The following MCC variants were observed in gnomAD, a reference collection of about 807,000 sequenced individuals.
MCC encodes MCC regulator of Wnt signaling pathway, also known as colorectal mutant cancer protein.
MCC carries 90 observed loss-of-function variants against 116.2 expected under a neutral mutation model. The ratio of observed to expected loss-of-function variants is 0.77; its 90% confidence interval spans 0.65 to 0.92. The LOEUF (loss-of-function observed/expected upper bound fraction) is 0.92, where lower values mean the gene tolerates loss of function less well. Ranked by LOEUF, MCC falls within the 40% of genes least tolerant of loss-of-function variation. MCC has a pLI of 0.00. For synonymous variants in MCC, 578 were observed against 510.5 expected, an observed-to-expected ratio of 1.13 and a Z score of -1.78; for missense variants, 1,516 against 1,312.2, an observed-to-expected ratio of 1.16 and a Z score of -2.40.
intron 3 of MCC, among the ~76,000 whole-genome samples, chr5:113,249,048 TG>T (rs1424543532): frequency 6.6e-6 from 1 of 152,090 alleles, no homozygotes; most frequent in African/African-American, 2.4e-5. Context: ...TTCACCATGT[TG>T]GTCAGGCTGG....
chr5:113,413,014 A>G (rs1045765515), intron 1 of MCC, among the ~76,000 whole-genome samples: 2 of 152,200 alleles, frequency 1.3e-5, no homozygotes, highest in African/African-American at 4.8e-5. Context: ...CCTTTTCTGC[A>G]TCTATTGAGA....
chr5:113,210,056 G>A (rs749437558), intron 3 of MCC, among the ~76,000 whole-genome samples: 8 of 152,194 alleles, frequency 5.3e-5, no homozygotes, highest in African/African-American at 1.9e-4. Context: ...TCTTCTCACC[G>A]CAGCCATAAT....
intron 3 of MCC, among the ~76,000 whole-genome samples, chr5:113,246,958 C>T (rs976599645): frequency 6.6e-6 from 1 of 152,150 alleles, no homozygotes; most frequent in East Asian, 1.9e-4. Context: ...AGGAGAGATC[C>T]GGAGTCTTGG....
intron 1 of MCC, among the ~76,000 whole-genome samples, chr5:113,473,229 T>A (rs1772141481): frequency 6.6e-6 from 1 of 152,088 alleles, no homozygotes; most frequent in South Asian, 2.1e-4. Context: ...CTTGGAGTAG[T>A]CAAGATAAAA....
At position 113,335,218 on chromosome 5, in the gene MCC, A is replaced by C. The variant is rs182316665; in HGVS notation, c.627+5301T>G. Among the ~76,000 whole-genome samples the C allele has an allele frequency of 6.8e-4, 103 of 151,906 alleles. 1 individual carries two copies. Among genetic ancestry groups the C allele is most frequent in the South Asian group, 2.9e-3 (14 of 4,830 alleles). On this transcript the variant is annotated intron_variant, in intron 3 of 18. Coordinates refer to ENST00000408903, the MANE Select transcript of MCC (RefSeq NM_001085377.2). Reference sequence around the variant, plus strand: ...GAAATGAAAAGTTCCCTATATTAAAAGCAATTCAAGAATACATTTTAAAAA... The same window carrying C: ...GAAATGAAAAGTTCCCTATATTAAACGCAATTCAAGAATACATTTTAAAAA...
chr5:113,304,567 T>G (rs952408115), intron 3 of MCC, among the ~76,000 whole-genome samples: 8 of 152,222 alleles, frequency 5.3e-5, no homozygotes, highest in Non-Finnish European at 7.3e-5. Context: ...AAGCATCATG[T>G]GATGCATCAA....
intron 3 of MCC, among the ~76,000 whole-genome samples, chr5:113,190,585 T>C (rs1270985916): frequency 6.6e-6 from 1 of 152,180 alleles, no homozygotes; most frequent in African/African-American, 2.4e-5. Flanking sequence ...TATTCAGTAT[T>C]AGTGTCCCTT....
intron 3 of MCC, among the ~76,000 whole-genome samples, chr5:113,219,789 G>A (rs1011103832): frequency 7.9e-5 from 12 of 152,200 alleles, no homozygotes; most frequent in South Asian, 6.2e-4. Flanking sequence ...GTGCTATAAA[G>A]AGAATATTGA....
chr5:113,410,248 C>T (rs1487459619), intron 1 of MCC, among the ~76,000 whole-genome samples: 2 of 152,058 alleles, frequency 1.3e-5, no homozygotes, highest in Non-Finnish European at 2.9e-5. Flanking sequence ...TTGTGGATAT[C>T]CATTATGGAT....
chr5:113,457,166 G>C (rs1053077897), intron 1 of MCC, among the ~76,000 whole-genome samples: 17 of 152,190 alleles, frequency 1.1e-4, no homozygotes, highest in Admixed American at 2.6e-4. Flanking sequence ...AGCGGGAACC[G>C]GGGCTGCCTG....
Position 113,353,341 on chromosome 5 carries a change from A to C in MCC, c.416-12611T>G, listed in dbSNP as rs559306329. Among the ~76,000 whole-genome samples, 3 of 152,282 alleles carry C rather than the reference A, an allele frequency of 2.0e-5. No individual in the cohort carries two copies. In the East Asian group the frequency reaches 5.8e-4, roughly 29 times the overall value. ...CTAGCTTTGGCTTTGGGCTTTCTGC[A>C]TTTGAGTCCCAGCCATGTCCTTAGC... is the stretch of plus-strand genomic sequence containing the variant. On this transcript the variant is annotated intron_variant, in intron 2 of 18. Coordinates refer to ENST00000408903, the MANE Select transcript of MCC (RefSeq NM_001085377.2).
At chr5:113,250,871 C>G (rs1445281756) in intron 3 of MCC, among the ~76,000 whole-genome samples, 1 of 152,032 alleles carries the variant, frequency 6.6e-6, no homozygotes, top group Non-Finnish European at 1.5e-5. Context: ...AGGGAACTCC[C>G]TAGGATAGCC....
intron 9 of MCC, 94 bp from the exon 10 acceptor site, chr5:113,084,284 T>C (rs1755053132): frequency 3.2e-6 from 3 of 952,282 alleles, no homozygotes; most frequent in South Asian, 2.8e-5. Flanking sequence ...TTTTTAGCCA[T>C]GTCAACTAAA....
chr5:113,486,611 A>C (rs1443091078), intron 1 of MCC, among the ~76,000 whole-genome samples: 1 of 152,166 alleles, frequency 6.6e-6, no homozygotes, highest in Non-Finnish European at 1.5e-5. Context: ...CCTAAGGCCG[A>C]GGCGGGCGGA....
intron 1 of MCC, among the ~76,000 whole-genome samples, chr5:113,409,165 G>A (rs564395783): frequency 8.1e-4 from 124 of 152,244 alleles, no homozygotes; most frequent in Admixed American, 1.7e-3. Flanking sequence ...TTTCTCCTCT[G>A]CACTTAAAAA....
intron 11 of MCC, among the ~76,000 whole-genome samples, chr5:113,078,671 A>C (rs372064989): frequency 6.6e-6 from 1 of 152,178 alleles, no homozygotes; most frequent in Non-Finnish European, 1.5e-5. Flanking sequence ...AAATAATAAG[A>C]GCTATCTATG....
rs115584919 is a variant in MCC at position 113,190,455 on chromosome 5, G to A, written c.628-39033C>T. Among the ~76,000 whole-genome samples the A allele has an allele frequency of 6.9e-3, 1,049 of 152,268 alleles. 17 individuals carry two copies. The highest frequency in any genetic ancestry group is 0.024 in the African/African-American group (998 of 41,540). ...CTCCAAGTGTTAGGAAGCTTTAAAT[G>A]ATGCACACCAAAGGAGGAGCTTAAA... is the stretch of plus-strand genomic sequence containing the variant. On this transcript the variant is annotated intron_variant, in intron 3 of 18. Transcript: ENST00000408903.
intron 1 of MCC, among the ~76,000 whole-genome samples, chr5:113,396,069 T>C (rs1167592767): frequency 1.3e-5 from 2 of 152,196 alleles, no homozygotes; most frequent in Non-Finnish European, 2.9e-5. Flanking sequence ...GGCTCATGCC[T>C]GTTATTCCAG....
chr5:113,420,899 C>T (rs889593009), intron 1 of MCC, among the ~76,000 whole-genome samples: 1 of 152,102 alleles, frequency 6.6e-6, no homozygotes, highest in African/African-American at 2.4e-5. Context: ...TCAAAGGATT[C>T]TAAGCACTAA....
Sources: allele counts gnomAD v4.1 joint callset (sites outside exome capture counted in the v4.1 genomes callset), GRCh38; gene constraint gnomAD v4.1.1; transcripts MANE v1.5; gene names NCBI Gene and HGNC (gene_info 2026-07-23, HGNC 2026-07-21).